LRRN3: variants seen among roughly 807,000 people sequenced by gnomAD.
LRRN3 encodes the protein leucine-rich repeat neuronal protein 3.
Under a neutral mutation model 40.1 loss-of-function variants are expected in LRRN3, and 15 were observed. That is an observed-to-expected ratio of 0.37 (90% CI 0.25 to 0.58). LRRN3 has a LOEUF of 0.58. Ranked by LOEUF, LRRN3 falls within the 20% of genes least tolerant of loss-of-function variation. The pLI is 0.72. For missense variants in LRRN3, 746 were observed against 837.7 expected (o/e 0.89, Z 1.35); for synonymous variants, 308 against 297.2 (o/e 1.04, Z -0.37).
chr7:111,098,443 A>T (rs2129579387), intron 1 of LRRN3, among the ~76,000 whole-genome samples: 1 of 151,940 alleles, frequency 6.6e-6, no homozygotes, highest in Middle Eastern at 3.4e-3. Flanking sequence ...ATTATACCAT[A>T]ATATGCTGCT....
intron 2 of LRRN3, among the ~76,000 whole-genome samples, chr7:111,101,594 A>T (rs1563243206): frequency 6.6e-6 from 1 of 151,554 alleles, no homozygotes; most frequent in East Asian, 1.9e-4. Flanking sequence ...CAGAATATAC[A>T]TAGGTACAAC....
intron 1 of LRRN3, among the ~76,000 whole-genome samples, chr7:111,092,651 T>A (rs1364319857): frequency 6.6e-6 from 1 of 152,190 alleles, no homozygotes; most frequent in East Asian, 1.9e-4. Flanking sequence ...CAGTAAACTC[T>A]ATGAGCATCC....
At chr7:111,111,831 C>A (rs1341944369) in intron 2 of LRRN3, among the ~76,000 whole-genome samples, 2 of 150,646 alleles carry the variant, frequency 1.3e-5, no homozygotes, top group Non-Finnish European at 1.5e-5. Context: ...CAAAAGGAGA[C>A]CTTGTCTCTG....
chr7:111,097,528 G>C (rs80172536), intron 1 of LRRN3, among the ~76,000 whole-genome samples: 2,779 of 151,736 alleles, frequency 0.018, 33 homozygotes, highest in Non-Finnish European at 0.027. Flanking sequence ...ATAATGTTGA[G>C]AGATTAAAGC....
chr7:111,124,564 A>ATAT lies in LRRN3; in HGVS notation c.1793_1794insATT (p.Ile598_Tyr599insPhe). On this transcript the variant is annotated inframe_insertion, in exon 3 of 3. Coordinates refer to ENST00000308478, the MANE Select transcript of LRRN3 (RefSeq NM_001099658.2). ...TAAAATTTGTATTGATATTCCCACC[A>ATAT]TCTATCAGAAAAACAGAAAAAAATG... 1.2e-6 allele frequency: 2 copies of ATAT among 1,613,752 alleles called. No homozygotes were observed. Among genetic ancestry groups the ATAT allele is most frequent in the South Asian group, 2.2e-5 (2 of 91,072 alleles).
intron 1 of LRRN3, among the ~76,000 whole-genome samples, chr7:111,096,113 A>G (rs1319297136): frequency 2.0e-5 from 3 of 152,062 alleles, no homozygotes; most frequent in East Asian, 1.9e-4. Context: ...AATTGTGAAT[A>G]TTTGTTTAAA....
chr7:111,120,124 T>C (rs749369452), intron 2 of LRRN3, among the ~76,000 whole-genome samples: 4 of 152,140 alleles, frequency 2.6e-5, no homozygotes, highest in African/African-American at 4.8e-5. Flanking sequence ...AATTTGCAAC[T>C]TGGTGTTGGA....
chr7:111,092,217 C>A (rs896003744), intron 1 of LRRN3, among the ~76,000 whole-genome samples: 1 of 152,206 alleles, frequency 6.6e-6, no homozygotes, highest in Non-Finnish European at 1.5e-5. Flanking sequence ...ATTGCTAATG[C>A]AGCTGGAACT....
chr7:111,098,915 T>TA (rs1429428941), intron 1 of LRRN3, among the ~76,000 whole-genome samples: 2 of 151,770 alleles, frequency 1.3e-5, no homozygotes, highest in African/African-American at 4.8e-5. Flanking sequence ...CAAAATACAG[T>TA]AACTCTGTTT....
chr7:111,118,216 T>C (rs1032487114), intron 2 of LRRN3, among the ~76,000 whole-genome samples: 1 of 152,134 alleles, frequency 6.6e-6, no homozygotes, highest in African/African-American at 2.4e-5. Flanking sequence ...TTATCTTATT[T>C]ATTGCTGACT....
intron 2 of LRRN3, among the ~76,000 whole-genome samples, chr7:111,107,644 G>C (rs1563249968): frequency 6.6e-6 from 1 of 152,042 alleles, no homozygotes; most frequent in Non-Finnish European, 1.5e-5. Flanking sequence ...CACTAGTAAA[G>C]TAATAATCTC....
chr7:111,104,614 CT>C (rs1798341166), intron 2 of LRRN3, among the ~76,000 whole-genome samples: 1 of 151,696 alleles, frequency 6.6e-6, no homozygotes, highest in Non-Finnish European at 1.5e-5. Flanking sequence ...ATTAATCCCC[CT>C]ATCTAGTCTT....
intron 2 of LRRN3, among the ~76,000 whole-genome samples, chr7:111,101,287 C>A (rs974503691): frequency 6.6e-6 from 1 of 151,310 alleles, no homozygotes; most frequent in African/African-American, 2.4e-5. Flanking sequence ...ATAGATACAT[C>A]CCTAGTCATT....
chr7:111,106,428 T>C (rs1205052104), intron 2 of LRRN3, among the ~76,000 whole-genome samples: 1 of 151,844 alleles, frequency 6.6e-6, no homozygotes, highest in Non-Finnish European at 1.5e-5. Context: ...AACTCACTGG[T>C]TTTGAGAAAC....
At chr7:111,101,636 C>CA (rs1206427593) in intron 2 of LRRN3, among the ~76,000 whole-genome samples, 56 of 151,268 alleles carry the variant, frequency 3.7e-4, no homozygotes, top group African/African-American at 1.3e-3. Flanking sequence ...TTGTATATTT[C>CA]CTGTGAAATA....
Position 111,123,669 on chromosome 7 carries a change from C to T in LRRN3, c.897C>T (p.Ser299=). ...TAAATAATATGCCTGAGCTGATTTCCATCGATAGTCTTGCTGTGGATAACC... is the reference window on the plus strand; with the variant it reads ...TAAATAATATGCCTGAGCTGATTTCTATCGATAGTCTTGCTGTGGATAACC... The part of the protein sequence containing the change: ...LGINNMPELI[S]IDSLAVDNLP... Residue 299 remains serine, a synonymous_variant, in exon 3 of 3, where the codon TCC becomes TCT. Transcript: ENST00000308478. This position sits in a 1 kb window ranked among gnomAD's most constrained non-coding sequence, Gnocchi z 6.4. 1 of 1,613,812 alleles carries T rather than the reference C, an allele frequency of 6.2e-7. No homozygotes were observed. The highest frequency in any genetic ancestry group is 8.5e-7 in the Non-Finnish European group (1 of 1,179,938).
chr7:111,113,349 T>C (rs1180252088), intron 2 of LRRN3, among the ~76,000 whole-genome samples: 5 of 152,182 alleles, frequency 3.3e-5, no homozygotes, highest in Non-Finnish European at 5.9e-5. Context: ...CTGAGATTGA[T>C]AAAAGCATTT....
At chr7:111,103,412 C>T (rs947490283) in intron 2 of LRRN3, among the ~76,000 whole-genome samples, 1 of 151,564 alleles carries the variant, frequency 6.6e-6, no homozygotes, top group East Asian at 1.9e-4. Flanking sequence ...CTGATTTGCA[C>T]CTGCTTTCCA....
In LRRN3 at chr7:111,124,954, C is replaced by G; in HGVS notation, c.*55C>G. On this transcript the variant is annotated 3_prime_UTR_variant, in exon 3 of 3. Coordinates refer to ENST00000308478, the MANE Select transcript of LRRN3 (RefSeq NM_001099658.2). Reference sequence around the variant, plus strand: ...GAACAAAAAAAAAAAAAGCGAAAGACTGCAGTTGTGCTAAAAACAAAACAA... The same window carrying G: ...GAACAAAAAAAAAAAAAGCGAAAGAGTGCAGTTGTGCTAAAAACAAAACAA... The G allele has an allele frequency of 8.3e-7, 1 of 1,198,314 alleles. No individual in the cohort carries two copies. The highest frequency in any genetic ancestry group is 1.5e-5 in the South Asian group (1 of 64,532). The allele number at this position is 1,198,314 out of a possible 1,614,324, so 74.2% of individuals were successfully genotyped here. A position where few individuals can be genotyped will look rare whatever the true frequency, so the allele number is the denominator to read the frequency against.
Sources: allele counts gnomAD v4.1 joint callset (sites outside exome capture counted in the v4.1 genomes callset), GRCh38; gene constraint gnomAD v4.1.1; non-coding constraint Gnocchi (gnomAD v3.1); transcripts MANE v1.5; gene names NCBI Gene and HGNC (gene_info 2026-07-23, HGNC 2026-07-21).